STXBP5L: variants seen among roughly 807,000 people sequenced by gnomAD.
The protein encoded by STXBP5L is syntaxin-binding protein 5-like.
In STXBP5L, 65 loss-of-function variants were observed where a neutral mutation model predicts 144.5. The ratio of observed to expected loss-of-function variants is 0.45; its 90% CI spans 0.37 to 0.55. The LOEUF is 0.55. Among genes scored for constraint, STXBP5L ranks in the 20% least tolerant of loss-of-function variants. The pLI is 0.00. For missense variants in STXBP5L, 1,298 were observed against 1,405.5 expected (o/e 0.92, Z 1.22); for synonymous variants, 505 against 469.6 (o/e 1.08, Z -0.97).
intron 5 of STXBP5L, among the ~76,000 whole-genome samples, chr3:121,101,538 T>A (rs2043425756): frequency 1.3e-5 from 2 of 152,064 alleles, no homozygotes; most frequent in African/African-American, 4.8e-5. Flanking sequence ...CATCTCTTCA[T>A]AATAAGAAAC....
At chr3:120,968,563 A>C (rs1379382269) in intron 3 of STXBP5L, among the ~76,000 whole-genome samples, 1 of 152,140 alleles carries the variant, frequency 6.6e-6, no homozygotes, top group African/African-American at 2.4e-5. Context: ...GCCACCCTGC[A>C]TTTTAATTTT....
intron 7 of STXBP5L, among the ~76,000 whole-genome samples, chr3:121,140,816 G>A (rs1171381056): frequency 6.6e-6 from 1 of 152,114 alleles, no homozygotes; most frequent in Non-Finnish European, 1.5e-5. Context: ...TAAATTGTAA[G>A]ATATCTAATG....
At chr3:121,351,901 T>C (rs919866269) in intron 20 of STXBP5L, among the ~76,000 whole-genome samples, 23 of 152,160 alleles carry the variant, frequency 1.5e-4, no homozygotes, top group Non-Finnish European at 3.1e-4. Flanking sequence ...TTTTTACAGA[T>C]GGCTAGCCAG....
chr3:121,371,024 G>A (rs937784730), intron 20 of STXBP5L, among the ~76,000 whole-genome samples: 1 of 152,104 alleles, frequency 6.6e-6, no homozygotes, highest in African/African-American at 2.4e-5. Context: ...AGCCATCTCA[G>A]CCCAGTTAAG....
intron 19 of STXBP5L, among the ~76,000 whole-genome samples, chr3:121,300,125 A>AT (rs761646292): frequency 3.9e-5 from 6 of 152,156 alleles, no homozygotes; most frequent in East Asian, 1.9e-4. Context: ...ATAATGAGTG[A>AT]TTTTTTCCAT....
chr3:121,185,721 T>G (rs1477387772), intron 9 of STXBP5L, among the ~76,000 whole-genome samples: 2 of 152,202 alleles, frequency 1.3e-5, no homozygotes, highest in Non-Finnish European at 2.9e-5. Flanking sequence ...TAGTTCAAAG[T>G]CAGGTAGCAT....
chr3:121,382,003 C>T (rs1403216809), intron 22 of STXBP5L, among the ~76,000 whole-genome samples: 1 of 152,072 alleles, frequency 6.6e-6, no homozygotes, highest in East Asian at 1.9e-4. Flanking sequence ...AAGCATGCCA[C>T]ACAATTTCTT....
intron 5 of STXBP5L, among the ~76,000 whole-genome samples, chr3:121,106,622 T>G (rs527615020): frequency 6.6e-5 from 10 of 152,340 alleles, no homozygotes; most frequent in African/African-American, 2.2e-4. Flanking sequence ...ATGTATCATA[T>G]TTTCTTTATC....
At chr3:121,029,911 A>T (rs1946241856) in intron 3 of STXBP5L, among the ~76,000 whole-genome samples, 1 of 152,170 alleles carries the variant, frequency 6.6e-6, no homozygotes, top group Admixed American at 6.5e-5. Context: ...TATGAGGCCC[A>T]CATACATATG....
At chr3:121,180,435 A>G (rs1394468045) in intron 9 of STXBP5L, among the ~76,000 whole-genome samples, 3 of 152,262 alleles carry the variant, frequency 2.0e-5, no homozygotes, top group African/African-American at 7.2e-5. Context: ...TGCTAAAAGG[A>G]GTTTTGAATC....
chr3:121,172,554 T>C (rs2046766292), intron 9 of STXBP5L, among the ~76,000 whole-genome samples: 1 of 152,250 alleles, frequency 6.6e-6, no homozygotes, highest in South Asian at 2.1e-4. Context: ...AGAAGACATT[T>C]ATGCAGCCAA....
At chr3:121,338,382 G>A (rs542554544) in intron 20 of STXBP5L, among the ~76,000 whole-genome samples, 49 of 152,046 alleles carry the variant, frequency 3.2e-4, no homozygotes, top group African/African-American at 1.1e-3. Flanking sequence ...GGTGGTTCAC[G>A]CCTGTAATCC....
At chr3:121,220,583 A>G (rs1187386398) in intron 10 of STXBP5L, among the ~76,000 whole-genome samples, 4 of 152,130 alleles carry the variant, frequency 2.6e-5, no homozygotes, top group Non-Finnish European at 5.9e-5. Context: ...ATTGCTTGCC[A>G]TATGATTTCT....
Position 121,173,480 on chromosome 3 carries a change from C to T in STXBP5L, c.877+15853C>T, listed in dbSNP as rs186326669. ...CAAACAACTATAGTTTACTTTCGAA[C>T]AACATGAGTGTGAGGGGCACCAACT... is the stretch of plus-strand genomic sequence containing the variant. On this transcript the variant is annotated intron_variant, in intron 9 of 26. Coordinates refer to ENST00000471454, the MANE Select transcript of STXBP5L (RefSeq NM_001308330.2). 2.0e-3 allele frequency among the ~76,000 whole-genome samples: 301 copies of T among 151,960 alleles called. 1 individual carries two copies. The highest frequency in any genetic ancestry group is 6.9e-3 in the African/African-American group (286 of 41,480).
At chr3:121,269,733 C>T (rs1332432579) in intron 18 of STXBP5L, among the ~76,000 whole-genome samples, 3 of 152,166 alleles carry the variant, frequency 2.0e-5, no homozygotes, top group Non-Finnish European at 4.4e-5. Flanking sequence ...TTTATCTCTA[C>T]TACCCTGAAA....
intron 20 of STXBP5L, among the ~76,000 whole-genome samples, chr3:121,342,032 G>A (rs988454356): frequency 6.6e-6 from 1 of 151,976 alleles, no homozygotes; most frequent in Non-Finnish European, 1.5e-5. Context: ...ATTGCTTGAT[G>A]TGATAGATAT....
intron 22 of STXBP5L, among the ~76,000 whole-genome samples, chr3:121,393,859 T>G (rs555696895): frequency 6.6e-6 from 1 of 152,334 alleles, no homozygotes; most frequent in Non-Finnish European, 1.5e-5. Context: ...AGTCAGGCAA[T>G]GTGATACCTG....
intron 7 of STXBP5L, among the ~76,000 whole-genome samples, chr3:121,145,823 G>A (rs61589816): frequency 4.6e-5 from 7 of 152,008 alleles, no homozygotes; most frequent in Non-Finnish European, 1.0e-4. Flanking sequence ...ATTATTTTTA[G>A]TATGTCTGTG....
chr3:121,086,424 A>G (rs2042496738), intron 5 of STXBP5L, among the ~76,000 whole-genome samples: 4 of 152,088 alleles, frequency 2.6e-5, no homozygotes, highest in African/African-American at 9.7e-5. Flanking sequence ...GTTCATAGCC[A>G]TTGTAACATT....
Sources: gnomAD v4.1 joint callset for allele counts (sites outside exome capture counted in the v4.1 genomes callset) on GRCh38, gnomAD v4.1.1 for gene constraint, MANE v1.5 for transcripts, NCBI Gene and HGNC (gene_info 2026-07-23, HGNC 2026-07-21) for gene names.